BNC2: variants seen among roughly 807,000 people sequenced by gnomAD.
BNC2 encodes basonuclin zinc finger protein 2.
BNC2 carries 20 observed loss-of-function variants against 76.3 expected under a neutral mutation model. That is an observed-to-expected ratio of 0.26 (90% CI 0.18 to 0.38). The LOEUF is 0.38. Among genes scored for constraint, BNC2 ranks in the 10% least tolerant of loss-of-function variants. BNC2 has a pLI of 1.00. For missense variants in BNC2, 1,382 were observed against 1,399.8 expected (o/e 0.99, Z 0.20); for synonymous variants, 582 against 514.8 (o/e 1.13, Z -1.77).
chr9:16,668,725 G>A (rs890042267), intron 3 of BNC2, among the ~76,000 whole-genome samples: 1 of 152,228 alleles, frequency 6.6e-6, no homozygotes, highest in Non-Finnish European at 1.5e-5. Context: ...AGAATTGGCA[G>A]GGTGGTTGCT....
In BNC2 at chr9:16,461,192, G is replaced by A. The variant is rs118069851; in HGVS notation, c.670-23668C>T. Among the ~76,000 whole-genome samples, 145 of 152,164 alleles carry A rather than the reference G, an allele frequency of 9.5e-4. 3 individuals carry two copies. The East Asian group carries it at 0.023, about 24-fold the overall frequency. ...TCGGAACATTTTACATGTGAATGCC[G>A]CTCACTTGAATCAGTAAGTCTTTTT... On this transcript the variant is annotated intron_variant, in intron 5 of 6. Transcript: ENST00000380672.
intron 1 of BNC2, among the ~76,000 whole-genome samples, chr9:16,748,476 T>G (rs1587376771): frequency 6.6e-6 from 1 of 152,098 alleles, no homozygotes; most frequent in South Asian, 2.1e-4. Context: ...AGCGTGCCAC[T>G]GCACTCCAGC....
chr9:16,732,067 G>A (rs759915338), intron 2 of BNC2, among the ~76,000 whole-genome samples: 1 of 149,188 alleles, frequency 6.7e-6, no homozygotes, highest in Middle Eastern at 3.3e-3. Flanking sequence ...AGCTCTGTAA[G>A]CAATAATTCC....
chr9:16,677,527 C>T lies in BNC2; in HGVS notation c.330+50270G>A, dbSNP rs55787851. Among the ~76,000 whole-genome samples, 1,101 of 151,176 alleles carry T rather than the reference C, an allele frequency of 7.3e-3. 22 individuals are homozygous for T. The highest frequency in any genetic ancestry group is 0.025 in the African/African-American group (1,028 of 40,890). ...GGTGGAGGTTGCAGTGAGCCAAGAT[C>T]GCGCCACTGCACTCCAGCCCGGGGG... On this transcript the variant is annotated intron_variant, in intron 3 of 6. Coordinates refer to ENST00000380672, the MANE Select transcript of BNC2 (RefSeq NM_017637.6).
chr9:16,471,384 C>G (rs1821821494), intron 5 of BNC2, among the ~76,000 whole-genome samples: 2 of 151,814 alleles, frequency 1.3e-5, no homozygotes, highest in South Asian at 4.2e-4. Context: ...ACCCCCGCCT[C>G]CCGGATTCAA....
chr9:16,742,625 T>C (rs1824884114), intron 1 of BNC2, among the ~76,000 whole-genome samples: 1 of 152,228 alleles, frequency 6.6e-6, no homozygotes, highest in African/African-American at 2.4e-5. Flanking sequence ...CATAGAGCTT[T>C]ATAAAGCAGC....
intron 3 of BNC2, among the ~76,000 whole-genome samples, chr9:16,641,330 G>T (rs1477651834): frequency 1.3e-5 from 2 of 152,120 alleles, no homozygotes; most frequent in Admixed American, 6.5e-5. Context: ...TAACAGAAAG[G>T]AAGTGGTCAG....
chr9:16,853,000 T>G (rs1394730121), intron 1 of BNC2, among the ~76,000 whole-genome samples: 4 of 152,188 alleles, frequency 2.6e-5, no homozygotes, highest in African/African-American at 9.7e-5. Context: ...GGGATTTCAC[T>G]GCAGGTATGA....
At chr9:16,680,076 TC>T (rs1432840482) in intron 3 of BNC2, among the ~76,000 whole-genome samples, 1 of 152,220 alleles carries the variant, frequency 6.6e-6, no homozygotes, top group African/African-American at 2.4e-5. Flanking sequence ...GAAATCACTG[TC>T]CTCATGTTCA....
At chr9:16,636,405 C>T (rs1423053468) in intron 3 of BNC2, among the ~76,000 whole-genome samples, 1 of 151,940 alleles carries the variant, frequency 6.6e-6, no homozygotes, top group Non-Finnish European at 1.5e-5. Context: ...TGGACTCAAG[C>T]GATCCTCTCA....
intron 4 of BNC2, among the ~76,000 whole-genome samples, chr9:16,567,794 G>C (rs113019069): frequency 1.3e-5 from 2 of 152,282 alleles, no homozygotes; most frequent in African/African-American, 4.8e-5. Flanking sequence ...CTGAGGTCCA[G>C]TGGAGTCCAT....
At chr9:16,748,040 TAAAC>T (rs1825062161) in intron 1 of BNC2, among the ~76,000 whole-genome samples, 1 of 151,958 alleles carries the variant, frequency 6.6e-6, no homozygotes, top group Admixed American at 6.6e-5. Flanking sequence ...TAAATACAGA[TAAAC>T]AACATCTCCA....
chr9:16,705,214 C>G (rs527440215), intron 3 of BNC2: 1 of 142,654 alleles, frequency 7.0e-6, no homozygotes, highest in Non-Finnish European at 1.5e-5. Flanking sequence ...AACATTCATG[C>G]GACTTGGAAT....
chr9:16,851,357 T>C lies in BNC2; in HGVS notation c.3+19289A>G, dbSNP rs117051660. Among the ~76,000 whole-genome samples, 42 of 150,144 alleles carry C rather than the reference T, an allele frequency of 2.8e-4. 1 individual carries two copies. The East Asian group carries it at 8.1e-3, about 29-fold the overall frequency. On this transcript the variant is annotated intron_variant, in intron 1 of 6. Transcript: ENST00000380672. ...ACCTTGTCTCTACAAAAAAAAAAAC[T>C]TACCCAGGCATGATGGCTCATGCGT... is the stretch of plus-strand genomic sequence containing the variant.
intron 3 of BNC2, among the ~76,000 whole-genome samples, chr9:16,634,836 C>G (rs1313152200): frequency 1.3e-5 from 2 of 151,988 alleles, no homozygotes; most frequent in Non-Finnish European, 2.9e-5. Flanking sequence ...AGTCTGAGCC[C>G]AAGAAGCAGT....
intron 1 of BNC2, among the ~76,000 whole-genome samples, chr9:16,768,246 G>A (rs966462250): frequency 1.1e-4 from 16 of 152,054 alleles, no homozygotes; most frequent in Admixed American, 3.9e-4. Context: ...GATTACAGGC[G>A]TGAACCACCA....
intron 1 of BNC2, among the ~76,000 whole-genome samples, chr9:16,796,933 C>T (rs1431909383): frequency 6.6e-6 from 1 of 152,126 alleles, no homozygotes; most frequent in East Asian, 1.9e-4. Context: ...ACACTTGCTT[C>T]AGTCTGTTAG....
intron 1 of BNC2, among the ~76,000 whole-genome samples, chr9:16,855,946 C>A (rs573293443): frequency 3.9e-5 from 6 of 152,222 alleles, no homozygotes; most frequent in African/African-American, 1.4e-4. Context: ...TAAACATTTA[C>A]TTGCTGGCTG....
intron 3 of BNC2, among the ~76,000 whole-genome samples, chr9:16,723,808 C>T (rs1298053287): frequency 6.6e-6 from 1 of 152,000 alleles, no homozygotes; most frequent in East Asian, 1.9e-4. Context: ...CCTCACCTAT[C>T]TAAAAAATGA....
Sources: gnomAD v4.1 joint callset for allele counts (sites outside exome capture counted in the v4.1 genomes callset) on GRCh38, gnomAD v4.1.1 for gene constraint, MANE v1.5 for transcripts, NCBI Gene and HGNC (gene_info 2026-07-23, HGNC 2026-07-21) for gene names.